CEACAM1: variants seen among roughly 807,000 people sequenced by gnomAD.
The protein encoded by CEACAM1 is CEA cell adhesion molecule 1.
In CEACAM1, 31 loss-of-function variants were observed where a neutral mutation model predicts 49.1. That is an observed-to-expected ratio of 0.63 (90% CI 0.47 to 0.85). The LOEUF (loss-of-function observed/expected upper bound fraction) is 0.85, where lower values mean the gene tolerates loss of function less well. Among genes scored for constraint, CEACAM1 ranks in the 40% least tolerant of loss-of-function variants. The pLI, the probability that CEACAM1 is intolerant of heterozygous loss-of-function variation, is 0.00. For synonymous variants in CEACAM1, 244 were observed against 247.8 expected (o/e 0.98, Z 0.14); for missense variants, 570 against 645.3 (o/e 0.88, Z 1.26).
rs148436511 is a variant in CEACAM1, at chr19:42,509,689, C to T, written c.1462-461G>A. On this transcript the variant is annotated intron_variant, in intron 8 of 8. Transcript: ENST00000161559. ...TCGCCCAGGCTGGAGTGCAATGGCA[C>T]GATCTCGGCTCACTGCAAGCTCTGC... Among the ~76,000 whole-genome samples the T allele has an allele frequency of 2.6e-4, 40 of 152,058 alleles. 1 individual carries two copies. The highest frequency in any genetic ancestry group is 8.2e-4 in the African/African-American group (34 of 41,482).
intron 4 of CEACAM1, chr19:42,520,991 C>T (rs982141732): frequency 4.3e-5 from 19 of 441,166 alleles, no homozygotes; most frequent in Middle Eastern, 6.1e-4. Flanking sequence ...TTTCTGCTTC[C>T]CCCTCTGTGA....
At chr19:42,521,845 G>A in intron 3 of CEACAM1, 79 bp downstream of exon 3, 1 of 1,608,198 alleles carries the variant, frequency 6.2e-7, no homozygotes, top group Non-Finnish European at 8.5e-7. Flanking sequence ...TTAGACCTGA[G>A]AGGGACTGAG....
At position 42,507,918 on chromosome 19, in the gene CEACAM1, A is replaced by G. The variant is rs559869918; in HGVS notation, c.*1191T>C. On this transcript the variant is annotated 3_prime_UTR_variant, in exon 9 of 9. Transcript: ENST00000161559. ...AAACAGAAAATGCACAGGTGCAAAC[A>G]TGGAATAGAATGGTAGTTGATGATT... 1.3e-5 allele frequency: 2 copies of G among 152,244 alleles called. No homozygotes were observed. Among genetic ancestry groups the G allele is most frequent in the Admixed American group, 6.5e-5 (1 of 15,288 alleles). 9.4% of individuals were successfully genotyped at this position (152,244 alleles called of 1,614,324 possible).
chr19:42,528,344 C>T lies in CEACAM1; in HGVS notation c.31G>A (p.Val11Met). MGHLSAPLHR[V>M]RVPWQGLLLT... ...AGAAGCCCCTGCCAGGGTACACGCA[C>T]TCTGTGAAGTGGGGCTGAGAGGTGC... Residue 11 changes from valine to methionine, a missense_variant, in exon 1 of 9, where the codon GTG becomes ATG. Transcript: ENST00000161559. 6.2e-7 allele frequency: 1 copy of T among 1,614,020 alleles called. No homozygotes were observed. Among genetic ancestry groups the T allele is most frequent in the African/African-American group, 1.3e-5 (1 of 75,034 alleles).
chr19:42,524,275 C>T (rs1233773058), intron 2 of CEACAM1, among the ~76,000 whole-genome samples: 2 of 152,186 alleles, frequency 1.3e-5, no homozygotes, highest in African/African-American at 4.8e-5. Context: ...CATCAGACAG[C>T]ACCTGCCTGG....
chr19:42,510,962 A>C, intron 7 of CEACAM1, 42 bp from the exon 8 acceptor site: 1 of 1,601,840 alleles, frequency 6.2e-7, no homozygotes, highest in Non-Finnish European at 8.6e-7. Flanking sequence ...TGGAAATGCA[A>C]AGCTGACTTC....
At chr19:42,518,912 A>T (rs576955818) in intron 5 of CEACAM1, 36 bp downstream of exon 5, 2 of 1,609,470 alleles carry the variant, frequency 1.2e-6, no homozygotes, top group South Asian at 1.1e-5. Context: ...GAGTAATCCT[A>T]GAGGGACATA....
chr19:42,518,625 G>A (rs2041660115), intron 5 of CEACAM1: 3 of 301,282 alleles, frequency 1.0e-5, no homozygotes, highest in African/African-American at 4.6e-5. Flanking sequence ...AGCCTCCCGA[G>A]TAGCTGGGAC....
intron 5 of CEACAM1, among the ~76,000 whole-genome samples, chr19:42,513,958 C>CTTTTTTT (rs869304469): frequency 2.4e-4 from 21 of 86,884 alleles, no homozygotes; most frequent in Non-Finnish European, 3.3e-4. Context: ...TCTTCTTCTT[C>CTTTTTTT]TTTTTTTTTT....
chr19:42,524,052 T>C (rs2041827624), intron 2 of CEACAM1, among the ~76,000 whole-genome samples: 1 of 152,206 alleles, frequency 6.6e-6, no homozygotes, highest in Admixed American at 6.5e-5. Context: ...GAAATTCAGG[T>C]AAAAAGAGGA....
intron 2 of CEACAM1, among the ~76,000 whole-genome samples, chr19:42,525,044 C>T (rs766519130): frequency 6.6e-6 from 1 of 152,032 alleles, no homozygotes; most frequent in Non-Finnish European, 1.5e-5. Context: ...TTCATTCATT[C>T]GTGAGAGAAC....
Position 42,508,952 on chromosome 19 carries a change from G to T in CEACAM1, c.*157C>A. ...ATCTATTGACACTGAGAGAGGGGCA[G>T]TGACCAGGCAGCCTGGAGATGCCTA... On this transcript the variant is annotated 3_prime_UTR_variant, in exon 9 of 9. Transcript: ENST00000161559. The T allele has an allele frequency of 1.4e-6, 1 of 730,234 alleles. No individual in the cohort carries two copies. Among genetic ancestry groups the T allele is most frequent in the East Asian group, 2.9e-5 (1 of 34,270 alleles). The allele number at this position is 730,234 out of a possible 1,614,324, so 45.2% of individuals were successfully genotyped here. A position where few individuals can be genotyped will look rare whatever the true frequency, so the allele number is the denominator to read the frequency against.
At chr19:42,528,233 G>A (rs1369482400) in intron 1 of CEACAM1, 78 bp downstream of exon 1, 6 of 1,292,256 alleles carry the variant, frequency 4.6e-6, no homozygotes, top group Non-Finnish European at 4.4e-6. Flanking sequence ...CCCTCTTAGA[G>A]CTCCATCCTC....
rs1356371002 is a variant in CEACAM1 at position 42,509,142 on chromosome 19, T to A, written c.1548A>T (p.Thr516=). ...PTSASPSLTA[T]EIIYSEVKKQ ...TTTTTACTTCTGAATAAATTATTTC[T>A]GTGGCTGTTAGGGATGGGGAGGCTG... is the stretch of plus-strand genomic sequence containing the variant. The change falls in exon 9 of 9, where the codon ACA becomes ACT. Residue 516 remains threonine, a synonymous_variant. Transcript: ENST00000161559. 6.2e-7 allele frequency: 1 copy of A among 1,614,214 alleles called. No homozygotes were observed. Among genetic ancestry groups the A allele is most frequent in the African/African-American group, 1.3e-5 (1 of 75,062 alleles).
At chr19:42,510,777 A>G (rs2041437620) in intron 8 of CEACAM1, 112 bp downstream of exon 8, 3 of 939,952 alleles carry the variant, frequency 3.2e-6, no homozygotes, top group Non-Finnish European at 5.3e-6. Flanking sequence ...TTGTTGTTGC[A>G]CTGAGGAACA....
intron 5 of CEACAM1, among the ~76,000 whole-genome samples, chr19:42,515,664 GA>G (rs57446562): frequency 0.09 from 13,210 of 147,050 alleles, 1,913 homozygotes; most frequent in African/African-American, 0.3. Flanking sequence ...GTCTCAAACC[GA>G]AAAAAAAAAG....
At chr19:42,520,817 C>T (rs973084386) in intron 4 of CEACAM1, 6 of 185,316 alleles carry the variant, frequency 3.2e-5, no homozygotes, top group East Asian at 1.3e-4. Context: ...CTGAGCTGCT[C>T]ATCCCTGATG....
chr19:42,514,240 T>C (rs2041543329), intron 5 of CEACAM1, among the ~76,000 whole-genome samples: 1 of 151,632 alleles, frequency 6.6e-6, no homozygotes, highest in African/African-American at 2.4e-5. Flanking sequence ...CAAGCGATTC[T>C]CCTACCTCAG....
At chr19:42,519,369 C>G in intron 4 of CEACAM1, 134 bp from the exon 5 acceptor site, 1 of 803,384 alleles carries the variant, frequency 1.2e-6, no homozygotes, top group Admixed American at 2.4e-5. Flanking sequence ...GGTCACCAAC[C>G]AGGGGATAGC....
Sources: allele counts gnomAD v4.1 joint callset (sites outside exome capture counted in the v4.1 genomes callset), GRCh38; gene constraint gnomAD v4.1.1; transcripts MANE v1.5; gene names NCBI Gene and HGNC (gene_info 2026-07-23, HGNC 2026-07-21).